ASXL2: variants seen among roughly 807,000 people sequenced by gnomAD.
The protein encoded by ASXL2 is putative Polycomb group protein ASXL2.
In ASXL2, 23 loss-of-function variants were observed where a neutral mutation model predicts 122.0. The ratio of observed to expected loss-of-function variants is 0.19; its 90% CI spans 0.14 to 0.27. ASXL2 has a LOEUF of 0.27. Ranked by LOEUF, ASXL2 falls within the 10% of genes least tolerant of loss-of-function variation. The pLI, the probability that ASXL2 is intolerant of heterozygous loss-of-function variation, is 1.00. For missense variants in ASXL2, 1,518 were observed against 1,713.8 expected (o/e 0.89, Z 2.02); for synonymous variants, 650 against 637.0 (o/e 1.02, Z -0.31).
chr2:25,746,589 A>G (rs1379156877), intron 12 of ASXL2, among the ~76,000 whole-genome samples: 1 of 152,110 alleles, frequency 6.6e-6, no homozygotes, highest in African/African-American at 2.4e-5. Context: ...ACAACTTTAC[A>G]TAAGAATACT....
intron 5 of ASXL2, among the ~76,000 whole-genome samples, chr2:25,787,093 G>A (rs757306056): frequency 1.8e-4 from 28 of 152,072 alleles, no homozygotes; most frequent in Non-Finnish European, 2.2e-4. Context: ...ATTTTGCAAT[G>A]TTGTTACATC....
chr2:25,851,700 G>T (rs1445866211), intron 1 of ASXL2, among the ~76,000 whole-genome samples: 1 of 152,126 alleles, frequency 6.6e-6, no homozygotes, highest in Non-Finnish European at 1.5e-5. Context: ...TGACCAGCCT[G>T]GCCAACATGA....
intron 1 of ASXL2, among the ~76,000 whole-genome samples, chr2:25,847,139 C>G (rs564247475): frequency 5.9e-5 from 9 of 152,154 alleles, no homozygotes; most frequent in Non-Finnish European, 1.2e-4. Flanking sequence ...AGATAAGTGG[C>G]GCCAAAATTC....
At chr2:25,828,803 C>A (rs1574437186) in intron 3 of ASXL2, among the ~76,000 whole-genome samples, 1 of 108,300 alleles carries the variant, frequency 9.2e-6, no homozygotes, top group Non-Finnish European at 1.7e-5. Context: ...CCAGCCCAGG[C>A]AACAGTGTGA....
chr2:25,802,346 A>C (rs770341620), intron 4 of ASXL2, among the ~76,000 whole-genome samples: 1 of 152,208 alleles, frequency 6.6e-6, no homozygotes, highest in African/African-American at 2.4e-5. Context: ...CCCTCTTTAC[A>C]GTCTCTATAG....
chr2:25,767,338 A>C (rs1367530980), intron 8 of ASXL2, among the ~76,000 whole-genome samples: 1 of 152,236 alleles, frequency 6.6e-6, no homozygotes, highest in Non-Finnish European at 1.5e-5. Context: ...AAGAACATGA[A>C]CATAGTCAAG....
rs1325255009 is a variant in ASXL2 at position 25,737,935 on chromosome 2, C to T, written c.*4094G>A. ...ACACAAAAGTTTAGCATTTACCAAA[C>T]CAGTCTGTACAAACCTTACAGCCAG... is the stretch of plus-strand genomic sequence containing the variant. On this transcript the variant is annotated 3_prime_UTR_variant, in exon 13 of 13. Transcript: ENST00000435504. The T allele has an allele frequency of 6.6e-6, 1 of 152,092 alleles. No individual in the cohort carries two copies. Among genetic ancestry groups the T allele is most frequent in the African/African-American group, 2.4e-5 (1 of 41,418 alleles). The allele number at this position is 152,092 out of a possible 1,614,324, so 9.4% of individuals were successfully genotyped here.
intron 3 of ASXL2, among the ~76,000 whole-genome samples, chr2:25,825,301 G>C (rs1013027847): frequency 5.9e-5 from 9 of 152,090 alleles, no homozygotes; most frequent in African/African-American, 2.2e-4. Context: ...CAAAATCCTA[G>C]AACTTTTTTA....
rs535509851 is a variant in ASXL2, at chr2:25,736,072, A to G, written c.*5957T>C. Reference sequence around the variant, plus strand: ...AGCACTTTAGTGCTTAGTGCACAGTAGGTGCTCTATAAATACTTGAATTAG... The same window carrying G: ...AGCACTTTAGTGCTTAGTGCACAGTGGGTGCTCTATAAATACTTGAATTAG... On this transcript the variant is annotated 3_prime_UTR_variant, in exon 13 of 13. Transcript: ENST00000435504. 6.6e-6 allele frequency: 1 copy of G among 152,386 alleles called. No individual in the cohort carries two copies. The highest frequency in any genetic ancestry group is 6.5e-5 in the Admixed American group (1 of 15,306). The allele number at this position is 152,386 out of a possible 1,614,324, so 9.4% of individuals were successfully genotyped here.
intron 12 of ASXL2, among the ~76,000 whole-genome samples, chr2:25,747,658 CA>C (rs1237647637): frequency 6.6e-6 from 1 of 152,158 alleles, no homozygotes; most frequent in Non-Finnish European, 1.5e-5. Flanking sequence ...TGGGTCTTAG[CA>C]ACATTTATAG....
intron 3 of ASXL2, among the ~76,000 whole-genome samples, chr2:25,823,709 T>C (rs1350827665): frequency 6.6e-6 from 1 of 150,628 alleles, no homozygotes; most frequent in Non-Finnish European, 1.5e-5. Context: ...AAACGTTTAA[T>C]ACAGTATTGG....
At chr2:25,798,388 A>G (rs1426753693) in intron 5 of ASXL2, among the ~76,000 whole-genome samples, 1 of 152,210 alleles carries the variant, frequency 6.6e-6, no homozygotes, top group Non-Finnish European at 1.5e-5. Context: ...TTAAATGCAT[A>G]TTACTTAAGG....
chr2:25,822,282 C>G (rs1364011070), intron 3 of ASXL2, among the ~76,000 whole-genome samples: 5 of 152,238 alleles, frequency 3.3e-5, no homozygotes, highest in Non-Finnish European at 7.3e-5. Context: ...AGGGGCCGCT[C>G]TTTCTGCGCG....
chr2:25,843,325 G>A (rs1325178721), intron 2 of ASXL2, among the ~76,000 whole-genome samples: 1 of 147,546 alleles, frequency 6.8e-6, no homozygotes, highest in Non-Finnish European at 1.5e-5. Flanking sequence ...AAAAAATAGA[G>A]ACGGGGTTTT....
chr2:25,767,622 C>A lies in ASXL2; in HGVS notation c.736G>T (p.Gly246Trp). The A allele has an allele frequency of 6.2e-7, 1 of 1,613,890 alleles. No homozygotes were observed. Among genetic ancestry groups the A allele is most frequent in the Non-Finnish European group, 8.5e-7 (1 of 1,179,856 alleles). Reference sequence around the variant, plus strand: ...TCAGATCTCTGGAATGACTTCTTCCCCAAGCCTAGTAAAGTATTTTCCACT... The same window carrying A: ...TCAGATCTCTGGAATGACTTCTTCCACAAGCCTAGTAAAGTATTTTCCACT... ...VKVENTLLGL[G>W]KKSFQRSERL... The change falls in exon 8 of 13, where the codon GGG (glycine) becomes TGG (tryptophan). Residue 246 changes from glycine to tryptophan, a missense_variant. Transcript: ENST00000435504.
rs1222517652 is a variant in ASXL2, at chr2:25,744,883, G to T, written c.1861-407C>A. ...CCACCCATACCACTACTGTCTTTTA[G>T]TTCTTAGCTTTACTACCAAGGTCCA... On this transcript the variant is annotated intron_variant, in intron 12 of 12. Coordinates refer to ENST00000435504, the MANE Select transcript of ASXL2 (RefSeq NM_018263.6). This position sits in a 1 kb window ranked among gnomAD's most constrained non-coding sequence, Gnocchi z 4.7. Among the ~76,000 whole-genome samples, 1 of 150,982 alleles carries T rather than the reference G, an allele frequency of 6.6e-6. No individual in the cohort carries two copies. The highest frequency in any genetic ancestry group is 1.5e-5 in the Non-Finnish European group (1 of 67,826).
At chr2:25,793,087 T>C (rs932532640) in intron 5 of ASXL2, among the ~76,000 whole-genome samples, 22 of 151,700 alleles carry the variant, frequency 1.5e-4, no homozygotes, top group African/African-American at 5.3e-4. Flanking sequence ...ATTCTGGCTC[T>C]ACTGGTATGG....
intron 1 of ASXL2, among the ~76,000 whole-genome samples, chr2:25,868,747 G>A (rs2089930528): frequency 6.6e-6 from 1 of 152,138 alleles, no homozygotes; most frequent in African/African-American, 2.4e-5. Context: ...AGTAAGAACA[G>A]GCTGGCAGCA....
intron 2 of ASXL2, among the ~76,000 whole-genome samples, chr2:25,841,850 G>T (rs1193634635): frequency 1.3e-5 from 2 of 151,992 alleles, no homozygotes; most frequent in Non-Finnish European, 2.9e-5. Flanking sequence ...GGGAGGCTGA[G>T]GCAGGAGAAT....
Sources: gnomAD v4.1 joint callset for allele counts (sites outside exome capture counted in the v4.1 genomes callset) on GRCh38, gnomAD v4.1.1 for gene constraint, Gnocchi (gnomAD v3.1) non-coding constraint, MANE v1.5 for transcripts, NCBI Gene and HGNC (gene_info 2026-07-23, HGNC 2026-07-21) for gene names.